Variants in MPP7 observed in about 807,000 individuals in gnomAD.
MPP7 encodes the protein MAGUK p55 scaffold protein 7.
A neutral mutation model predicts 76.5 loss-of-function variants in MPP7; 60 were observed. That is an observed-to-expected ratio of 0.78 (90% CI 0.64 to 0.97). MPP7 has a LOEUF of 0.97. Among genes scored for constraint, MPP7 ranks in the 50% least tolerant of loss-of-function variants. MPP7 has a pLI of 0.00. For missense variants in MPP7, 641 were observed against 694.0 expected (o/e 0.92, Z 0.86); for synonymous variants, 237 against 244.5 (o/e 0.97, Z 0.29).
intron 2 of MPP7, among the ~76,000 whole-genome samples, chr10:28,214,791 C>T (rs915100708): frequency 2.0e-5 from 3 of 152,154 alleles, no homozygotes; most frequent in African/African-American, 7.2e-5. Context: ...CCCAGAAAGA[C>T]CCCCTTCTTG....
At chr10:28,119,358 G>T (rs1169345534) in intron 11 of MPP7, among the ~76,000 whole-genome samples, 4 of 152,062 alleles carry the variant, frequency 2.6e-5, no homozygotes, top group Non-Finnish European at 5.9e-5. Context: ...TGTATTTTAG[G>T]TGACATTTAA....
chr10:28,122,163 C>T (rs1588805468), intron 8 of MPP7, among the ~76,000 whole-genome samples: 1 of 151,910 alleles, frequency 6.6e-6, no homozygotes, highest in Non-Finnish European at 1.5e-5. Context: ...AAACAAAAGT[C>T]TTTTCTATAA....
intron 1 of MPP7, among the ~76,000 whole-genome samples, chr10:28,330,738 T>C (rs1056867316): frequency 6.6e-6 from 1 of 152,186 alleles, no homozygotes; most frequent in Non-Finnish European, 1.5e-5. Flanking sequence ...CACTGTAAAA[T>C]TGAGCTTCTG....
intron 15 of MPP7, chr10:28,057,641 A>G (rs1851613930): frequency 3.4e-6 from 1 of 290,610 alleles, no homozygotes; most frequent in South Asian, 5.3e-5. Context: ...TTTTTAGTAA[A>G]TTACCCAGTT....
chr10:28,080,134 A>G (rs183125967), intron 12 of MPP7, among the ~76,000 whole-genome samples: 1 of 151,996 alleles, frequency 6.6e-6, no homozygotes, highest in East Asian at 1.9e-4. Context: ...GAAAGAAGAG[A>G]AAAGAAAAGA....
intron 2 of MPP7, among the ~76,000 whole-genome samples, chr10:28,308,855 T>C (rs973316120): frequency 6.6e-6 from 1 of 152,202 alleles, no homozygotes; most frequent in Non-Finnish European, 1.5e-5. Flanking sequence ...ACTTTCTTTT[T>C]ACATTTTTCT....
At chr10:28,306,541 G>A (rs548726258), upstream of MPP7, among the ~76,000 whole-genome samples, 26 of 151,142 alleles carry the variant, frequency 1.7e-4, no homozygotes, top group African/African-American at 5.6e-4. Flanking sequence ...CTAGCTACTC[G>A]GGAGGCTGAG....
chr10:28,253,614 TCTTC>T (rs1391643517), intron 1 of MPP7, among the ~76,000 whole-genome samples: 1 of 152,172 alleles, frequency 6.6e-6, no homozygotes, highest in Non-Finnish European at 1.5e-5. Context: ...TGAAAAATCA[TCTTC>T]CTTAATTTCT....
At chr10:28,327,231 T>TAAAAAA (rs59442840) in intron 2 of MPP7, among the ~76,000 whole-genome samples, 2 of 95,752 alleles carry the variant, frequency 2.1e-5, no homozygotes, top group Non-Finnish European at 4.5e-5. Flanking sequence ...GTCAAAGAAG[T>TAAAAAA]AAAAAAAAAA....
intron 1 of MPP7, among the ~76,000 whole-genome samples, chr10:28,250,136 A>G (rs1839567605): frequency 6.6e-6 from 1 of 152,082 alleles, no homozygotes; most frequent in Non-Finnish European, 1.5e-5. Context: ...ACCAAATTCT[A>G]ACTTTCCTGA....
chr10:28,104,022 T>A (rs982011222), intron 11 of MPP7, among the ~76,000 whole-genome samples: 1 of 152,158 alleles, frequency 6.6e-6, no homozygotes, highest in East Asian at 1.9e-4. Context: ...CAAATGCATA[T>A]AGTACTTTGG....
chr10:28,306,668 T>TATAGAGAGAGAGAG (rs1554869513), upstream of MPP7, among the ~76,000 whole-genome samples: 1 of 148,396 alleles, frequency 6.7e-6, no homozygotes, highest in Non-Finnish European at 1.5e-5. Flanking sequence ...GATAGATAGA[T>TATAGAGAGAGAGAG]AGAGAGAGAG....
chr10:28,083,663 G>A (rs534115567), intron 12 of MPP7, among the ~76,000 whole-genome samples: 9 of 148,496 alleles, frequency 6.1e-5, no homozygotes, highest in Admixed American at 2.7e-4. Context: ...TCAGCCTCCC[G>A]AGTAGCTGGG....
chr10:28,243,134 C>T (rs55872459), intron 1 of MPP7, among the ~76,000 whole-genome samples: 5,280 of 151,870 alleles, frequency 0.035, 172 homozygotes, highest in African/African-American at 0.078. Flanking sequence ...ATTCAAGCTT[C>T]GGTATTTGGC....
intron 1 of MPP7, among the ~76,000 whole-genome samples, chr10:28,272,205 C>T (rs1289703025): frequency 6.6e-6 from 1 of 152,110 alleles, no homozygotes; most frequent in African/African-American, 2.4e-5. Flanking sequence ...CCATCTTCAG[C>T]CAAACTAAAA....
intron 5 of MPP7, among the ~76,000 whole-genome samples, chr10:28,133,023 C>T (rs1465818250): frequency 6.6e-6 from 1 of 152,234 alleles, no homozygotes; most frequent in Non-Finnish European, 1.5e-5. Flanking sequence ...AGGCCATGCT[C>T]ATTCATTTAT....
At chr10:28,192,386 G>T (rs780417448) in intron 3 of MPP7, among the ~76,000 whole-genome samples, 6 of 152,116 alleles carry the variant, frequency 3.9e-5, no homozygotes, top group Non-Finnish European at 7.3e-5. Flanking sequence ...AACAGCAAAA[G>T]ACCTTGGCCA....
intron 3 of MPP7, among the ~76,000 whole-genome samples, chr10:28,158,700 C>T (rs1237345774): frequency 3.9e-5 from 6 of 152,126 alleles, no homozygotes; most frequent in African/African-American, 1.4e-4. Flanking sequence ...TCACATGGAC[C>T]CCACTGAAAG....
intron 6 of MPP7, among the ~76,000 whole-genome samples, chr10:28,129,903 C>T (rs1035294940): frequency 6.6e-6 from 1 of 152,084 alleles, no homozygotes; most frequent in Non-Finnish European, 1.5e-5. Context: ...AGAGGACAGC[C>T]GATGCAAGTA....
Sources: allele counts gnomAD v4.1 joint callset (sites outside exome capture counted in the v4.1 genomes callset), GRCh38; gene constraint gnomAD v4.1.1; transcripts MANE v1.5; gene names NCBI Gene and HGNC (gene_info 2026-07-23, HGNC 2026-07-21).